STS: variants seen among roughly 807,000 people sequenced by gnomAD.
The protein encoded by STS is steroid sulfatase.
STS carries 7 observed loss-of-function variants against 26.8 expected under a neutral mutation model. That is an observed-to-expected ratio of 0.26 (90% CI 0.15 to 0.49). The LOEUF is 0.49. Ranked by LOEUF, STS falls within the 20% of genes least tolerant of loss-of-function variation. The pLI is 0.98. For missense variants in STS, 434 were observed against 465.6 expected (o/e 0.93, Z 0.63); for synonymous variants, 199 against 189.4 (o/e 1.05, Z -0.42).
chrX:7,290,854 T>G (rs1330378417), intron 7 of STS, among the ~76,000 whole-genome samples: 1 of 111,944 alleles, frequency 8.9e-6, no homozygotes, highest in Non-Finnish European at 1.9e-5. Context: ...TTCGGTGTAT[T>G]AAGCACTGGG....
Position 7,350,498 on chromosome X carries a change from CAG to C in STS, c.*240_*241del, listed in dbSNP as rs1361840138. ...ATGGTAGGTTTATGCCTTCTGTGGC[CAG>C]AGTCTTGGACTCATGGAAATAGAAT... On this transcript the variant is annotated 3_prime_UTR_variant, in exon 11 of 11. Coordinates refer to ENST00000674429, the MANE Select transcript of STS (RefSeq NM_001320752.2). 3 of 432,297 alleles carry C rather than the reference CAG, an allele frequency of 6.9e-6. No homozygotes were observed. Among genetic ancestry groups the C allele is most frequent in the African/African-American group, 2.5e-5 (1 of 40,101 alleles). 35.6% of individuals were successfully genotyped at this position (432,297 alleles called of 1,213,427 possible).
At chrX:7,245,343 C>G (rs1321467460) in intron 2 of STS, among the ~76,000 whole-genome samples, 2 of 112,138 alleles carry the variant, frequency 1.8e-5, no homozygotes, top group Admixed American at 1.9e-4. Flanking sequence ...AAAAATAGTG[C>G]ATGGCCCTGC....
At chrX:7,212,837 C>T (rs1219745650) in intron 2 of STS, among the ~76,000 whole-genome samples, 1 of 112,084 alleles carries the variant, frequency 8.9e-6, no homozygotes, top group Admixed American at 9.5e-5. Flanking sequence ...TCTACAAATG[C>T]AGTTCCTGTT....
intron 10 of STS, among the ~76,000 whole-genome samples, chrX:7,342,827 C>T (rs1928354484): frequency 8.9e-6 from 1 of 111,776 alleles, no homozygotes; most frequent in Non-Finnish European, 1.9e-5. Flanking sequence ...CAGGTATGGA[C>T]ACACTGTAAA....
intron 8 of STS, among the ~76,000 whole-genome samples, chrX:7,314,135 G>A (rs1016243901): frequency 1.3e-4 from 15 of 111,585 alleles, no homozygotes; most frequent in African/African-American, 4.9e-4. Context: ...CAGAAGGATC[G>A]CTTGAGCCCA....
At chrX:7,183,731 T>C (rs1487473482) in intron 1 of STS, among the ~76,000 whole-genome samples, 2 of 111,952 alleles carry the variant, frequency 1.8e-5, no homozygotes, top group African/African-American at 6.5e-5. Flanking sequence ...CGGCCGGGCA[T>C]AGTGGCTCAT....
At position 7,259,491 on chromosome X, in the gene STS, G is replaced by A. The variant is rs372283033; in HGVS notation, c.525G>A (p.Thr175=). Residue 175 remains threonine, a synonymous_variant, in exon 6 of 11, where the codon ACG becomes ACA. Coordinates refer to ENST00000674429, the MANE Select transcript of STS (RefSeq NM_001320752.2). ...CKPGEGSVFT[T]GFKRLVFLPL... ...CCGGAGAGGGCAGTGTCTTCACCAC[G>A]GGCTTCAAGAGGCTGGTCTTCCTCC... is the stretch of plus-strand genomic sequence containing the variant. 58 of 1,209,761 alleles carry A rather than the reference G, an allele frequency of 4.8e-5. No homozygotes were observed. The African/African-American group carries it at 5.2e-4, about 11-fold the overall frequency.
intron 2 of STS, among the ~76,000 whole-genome samples, chrX:7,209,668 T>TA (rs1277734229): frequency 4.6e-5 from 5 of 107,701 alleles, no homozygotes; most frequent in Non-Finnish European, 5.8e-5. Context: ...GTATTCCTTC[T>TA]AAAAAAAACT....
At chrX:7,227,642 G>A (rs1332199754) in intron 2 of STS, among the ~76,000 whole-genome samples, 1 of 111,314 alleles carries the variant, frequency 9.0e-6, no homozygotes. Flanking sequence ...ATAAAGATGT[G>A]AAATAATGAA....
chrX:7,321,366 A>G (rs1295482716), intron 8 of STS, among the ~76,000 whole-genome samples: 3 of 111,757 alleles, frequency 2.7e-5, no homozygotes, highest in Non-Finnish European at 5.6e-5. Context: ...CTGCACACCA[A>G]ACTCCCAAGC....
chrX:7,211,812 A>G (rs778423260), intron 2 of STS, among the ~76,000 whole-genome samples: 1 of 111,817 alleles, frequency 8.9e-6, no homozygotes, highest in South Asian at 3.7e-4. Flanking sequence ...GGCACTGCCT[A>G]TCTTTCTTTA....
intron 2 of STS, among the ~76,000 whole-genome samples, chrX:7,234,078 C>T (rs1472023680): frequency 8.9e-6 from 1 of 111,986 alleles, no homozygotes; most frequent in Non-Finnish European, 1.9e-5. Flanking sequence ...ATCTGCTGCC[C>T]ATGGTTTTGT....
At chrX:7,341,096 A>T (rs1436844761) in intron 10 of STS, among the ~76,000 whole-genome samples, 1 of 111,196 alleles carries the variant, frequency 9.0e-6, no homozygotes, top group Non-Finnish European at 1.9e-5. Flanking sequence ...CCAATTATAG[A>T]TGGGGAGACA....
At chrX:7,246,496 T>C (rs1300197540) in intron 2 of STS, among the ~76,000 whole-genome samples, 38 of 109,385 alleles carry the variant, frequency 3.5e-4, no homozygotes, top group Non-Finnish European at 6.3e-4. Context: ...TTAGTAGAGA[T>C]GGGGTTTCAC....
At position 7,351,982 on chromosome X, in the gene STS, C is replaced by T. The variant is rs1435096933; in HGVS notation, c.*1721C>T. On this transcript the variant is annotated 3_prime_UTR_variant, in exon 11 of 11. Coordinates refer to ENST00000674429, the MANE Select transcript of STS (RefSeq NM_001320752.2). ...AGAGAAGAAAGAAGTGATTCCTACC[C>T]CCTACCTCCAGAGTTGTTGAAAGCT... The T allele has an allele frequency of 9.1e-6, 1 of 109,775 alleles. No homozygotes were observed. Among genetic ancestry groups the T allele is most frequent in the African/African-American group, 3.3e-5 (1 of 30,209 alleles). 9.0% of individuals were successfully genotyped at this position (109,775 alleles called of 1,213,427 possible).
chrX:7,161,401 T>G (rs1191206367), intron 1 of STS, among the ~76,000 whole-genome samples: 1 of 112,213 alleles, frequency 8.9e-6, no homozygotes, highest in Non-Finnish European at 1.9e-5. Flanking sequence ...GGTATGTAGT[T>G]CAGAGATCAG....
At chrX:7,210,105 A>G (rs1920989876) in intron 2 of STS, among the ~76,000 whole-genome samples, 1 of 111,683 alleles carries the variant, frequency 9.0e-6, no homozygotes, top group African/African-American at 3.3e-5. Context: ...GTGTCTTTAT[A>G]GTAGAGTGAT....
intron 7 of STS, among the ~76,000 whole-genome samples, chrX:7,296,826 C>T (rs774628460): frequency 1.8e-5 from 2 of 112,002 alleles, no homozygotes; most frequent in East Asian, 2.8e-4. Context: ...TCACACATTA[C>T]GACTGCCATT....
chrX:7,325,014 T>C (rs1382243012), intron 8 of STS, among the ~76,000 whole-genome samples: 3 of 111,602 alleles, frequency 2.7e-5, no homozygotes, highest in African/African-American at 6.5e-5. Flanking sequence ...AAAGTAGAAA[T>C]GGAACTTGAA....
Sources: gnomAD v4.1 joint callset for allele counts (sites outside exome capture counted in the v4.1 genomes callset) on GRCh38, gnomAD v4.1.1 for gene constraint, MANE v1.5 for transcripts, NCBI Gene and HGNC (gene_info 2026-07-23, HGNC 2026-07-21) for gene names.